The following CCDC62 variants were observed in gnomAD, a reference collection of about 807,000 sequenced individuals.
The protein encoded by CCDC62 is coiled-coil domain containing 62.
CCDC62 carries 72 observed loss-of-function variants against 80.8 expected under a neutral mutation model. The ratio of observed to expected loss-of-function variants is 0.89; its 90% confidence interval spans 0.74 to 1.08. The LOEUF is 1.08. Among genes scored for constraint, CCDC62 ranks in the 50% least tolerant of loss-of-function variants. CCDC62 has a pLI of 0.00. For missense variants in CCDC62, 704 were observed against 809.4 expected, an observed-to-expected ratio of 0.87 and a Z score of 1.58; for synonymous variants, 286 against 296.5, an observed-to-expected ratio of 0.96 and a Z score of 0.36.
At chr12:122,821,958 A>G (rs994510788) in intron 11 of CCDC62, among the ~76,000 whole-genome samples, 9 of 151,272 alleles carry the variant, frequency 5.9e-5, no homozygotes, top group Non-Finnish European at 1.3e-4. Context: ...GCTGGGCACA[A>G]TGGCTCACAC....
At chr12:122,798,778 T>C (rs1217924934) in intron 8 of CCDC62, among the ~76,000 whole-genome samples, 3 of 146,072 alleles carry the variant, frequency 2.1e-5, no homozygotes, top group Non-Finnish European at 4.5e-5. Context: ...CCAAACTCCG[T>C]CTCAAAAAAT....
chr12:122,811,045 A>G (rs1566085414), intron 10 of CCDC62, among the ~76,000 whole-genome samples: 2 of 151,564 alleles, frequency 1.3e-5, no homozygotes, highest in Admixed American at 6.6e-5. Context: ...GGGGAGGGAT[A>G]GCATTAAGAG....
chr12:122,783,514 C>A (rs2030006682), intron 3 of CCDC62, among the ~76,000 whole-genome samples: 1 of 152,146 alleles, frequency 6.6e-6, no homozygotes, highest in Non-Finnish European at 1.5e-5. Flanking sequence ...GTGTGAGCCA[C>A]CGCGCCTGGC....
chr12:122,825,245 A>C (rs2032568376), intron 12 of CCDC62, among the ~76,000 whole-genome samples: 3 of 150,724 alleles, frequency 2.0e-5, no homozygotes, highest in Admixed American at 2.0e-4. Context: ...GTGCAATCTC[A>C]GCTCACTGCA....
rs1388393021 is a variant in CCDC62 at position 122,812,733 on chromosome 12, AAAAG to A, written c.1852-531_1852-528del. Among the ~76,000 whole-genome samples the A allele has an allele frequency of 5.5e-3, 483 of 87,492 alleles. 15 individuals are homozygous for A. Among genetic ancestry groups the A allele is most frequent in the African/African-American group, 0.015 (369 of 24,778 alleles). The allele number at this position is 87,492 out of a possible 152,430, so 57.4% of individuals were successfully genotyped here. The stretch of plus-strand genomic sequence containing the variant: ...CGAGACTCCGTCTCAAAAAAAAAAA[AAAAG>A]AAAGAGAGAGAGAGGGAGGGAGAGA... On this transcript the variant is annotated intron_variant, in intron 10 of 12. Transcript: ENST00000253079.
At chr12:122,822,511 C>T (rs2032451613) in intron 11 of CCDC62, among the ~76,000 whole-genome samples, 1 of 151,418 alleles carries the variant, frequency 6.6e-6, no homozygotes, top group East Asian at 1.9e-4. Context: ...CCCCTTTCCC[C>T]ATCCACTCCC....
intron 10 of CCDC62, among the ~76,000 whole-genome samples, chr12:122,809,756 T>C (rs538826218): frequency 6.6e-6 from 1 of 152,332 alleles, no homozygotes; most frequent in East Asian, 1.9e-4. Flanking sequence ...TCACGCTACC[T>C]GACTTCAAAC....
chr12:122,797,965 C>T, intron 7 of CCDC62, 120 bp from the exon 8 acceptor site: 1 of 617,986 alleles, frequency 1.6e-6, no homozygotes, highest in African/African-American at 1.9e-5. Flanking sequence ...TAGCATATTT[C>T]TCTAGTAACT....
chr12:122,795,755 G>T (rs1293808545), intron 6 of CCDC62, among the ~76,000 whole-genome samples: 1 of 152,166 alleles, frequency 6.6e-6, no homozygotes, highest in Non-Finnish European at 1.5e-5. Flanking sequence ...ATAACTAGGA[G>T]TAAGGAGTTT....
intron 6 of CCDC62, among the ~76,000 whole-genome samples, chr12:122,795,811 A>T (rs867230667): frequency 6.6e-6 from 1 of 152,212 alleles, no homozygotes; most frequent in Non-Finnish European, 1.5e-5. Flanking sequence ...GGGTCCTGAC[A>T]GTCCTGTAGG....
At chr12:122,802,293 G>A (rs1264704255) in intron 9 of CCDC62, among the ~76,000 whole-genome samples, 1 of 152,016 alleles carries the variant, frequency 6.6e-6, no homozygotes, top group Non-Finnish European at 1.5e-5. Context: ...GTCTCTTGGT[G>A]CATTGTGGTG....
rs1193393451 is a variant in CCDC62 at position 122,801,802 on chromosome 12, G to A, written c.1656G>A (p.Gly552=). The A allele has an allele frequency of 6.2e-7, 1 of 1,614,094 alleles. No homozygotes were observed. Among genetic ancestry groups the A allele is most frequent in the Non-Finnish European group, 8.5e-7 (1 of 1,180,022 alleles). Residue 552 remains glycine, a synonymous_variant, in exon 9 of 13, where the codon GGG becomes GGA. Coordinates refer to ENST00000253079, the MANE Select transcript of CCDC62 (RefSeq NM_201435.5). ...AGAGAATTGTCCGCCTCAAATCTGG[G>A]TGCACCTGTTCAGAAAGCATCTGTG... ...KMQRIVRLKS[G]CTCSESICGT...
Position 122,813,384 on chromosome 12 carries a change from A to G in CCDC62, c.1966A>G (p.Ile656Val). The stretch of plus-strand genomic sequence containing the variant: ...CCTGGAGCTGAGCACACTGCTGCCC[A>G]TCAGCCATGAGAATCTCACTGGCAG... Reference protein sequence around the residue: ...TDLELSTLLPISHENLTGSAT... With the variant: ...TDLELSTLLPVSHENLTGSAT... Residue 656 changes from isoleucine to valine, a missense_variant, in exon 11 of 13, where the codon ATC (isoleucine) becomes GTC (valine). Transcript: ENST00000253079. The G allele has an allele frequency of 1.9e-6, 3 of 1,613,230 alleles. No individual in the cohort carries two copies. The highest frequency in any genetic ancestry group is 1.1e-5 in the South Asian group (1 of 90,956).
chr12:122,796,327 G>A (rs1248629780), intron 6 of CCDC62, among the ~76,000 whole-genome samples: 2 of 151,516 alleles, frequency 1.3e-5, no homozygotes, highest in Non-Finnish European at 2.9e-5. Context: ...TTTTTTTTAA[G>A]AGACAGTGTC....
At chr12:122,786,133 G>T (rs1197849778) in intron 4 of CCDC62, among the ~76,000 whole-genome samples, 1 of 151,946 alleles carries the variant, frequency 6.6e-6, no homozygotes, top group Non-Finnish European at 1.5e-5. Context: ...CCATTAGATT[G>T]CTTGAGAGGT....
intron 2 of CCDC62, among the ~76,000 whole-genome samples, chr12:122,780,316 A>G (rs1396241451): frequency 2.6e-5 from 3 of 115,924 alleles, no homozygotes; most frequent in Non-Finnish European, 5.7e-5. Flanking sequence ...GTCTCAACGA[A>G]AAAAAAAAAA....
At chr12:122,808,766 A>G (rs928622685) in intron 10 of CCDC62, among the ~76,000 whole-genome samples, 3 of 152,196 alleles carry the variant, frequency 2.0e-5, no homozygotes, top group East Asian at 3.9e-4. Context: ...ACCTCAAGCA[A>G]TCCTCCTGCC....
Position 122,785,766 on chromosome 12 carries a change from G to C in CCDC62, c.444G>C (p.Gln148His), listed in dbSNP as rs781661731. The C allele has an allele frequency of 1.2e-5, 20 of 1,613,942 alleles. No homozygotes were observed. The highest frequency in any genetic ancestry group is 1.7e-5 in the Non-Finnish European group (20 of 1,179,938). ...ACACGTTAGTGGAACTTTCTGCCCA[G>C]GTAGGACAGCTACAAGCTCGAGAAC... is the stretch of plus-strand genomic sequence containing the variant. Reference protein sequence around the residue: ...LSNTLVELSAQVGQLQAREQA... With the variant: ...LSNTLVELSAHVGQLQAREQA... Residue 148 changes from glutamine to histidine, a missense_variant, in exon 4 of 13, where the codon CAG becomes CAC. Physicochemically the swap from Gln to His is conservative, Grantham distance 24. Coordinates refer to ENST00000253079, the MANE Select transcript of CCDC62 (RefSeq NM_201435.5).
At chr12:122,825,493 T>G (rs1409015107) in intron 12 of CCDC62, among the ~76,000 whole-genome samples, 1 of 147,562 alleles carries the variant, frequency 6.8e-6, no homozygotes, top group East Asian at 2.1e-4. Flanking sequence ...ATTACAGGCA[T>G]GTGCCACCAT....
Sources: gnomAD v4.1 joint callset for allele counts (sites outside exome capture counted in the v4.1 genomes callset) on GRCh38, gnomAD v4.1.1 for gene constraint, MANE v1.5 for transcripts, NCBI Gene and HGNC (gene_info 2026-07-23, HGNC 2026-07-21) for gene names.